The following C10orf90 variants were observed in gnomAD, a reference collection of about 807,000 sequenced individuals.
C10orf90 encodes the protein (E2-independent) E3 ubiquitin-conjugating enzyme FATS.
A neutral mutation model predicts 62.5 loss-of-function variants in C10orf90; 56 were observed. That is an observed-to-expected ratio of 0.90 (90% confidence interval 0.72 to 1.12). The LOEUF is 1.12. C10orf90 is among the 50% of genes most tolerant of loss of function. The pLI is 0.00. For missense variants in C10orf90, 970 were observed against 880.4 expected (o/e 1.10, Z -1.29); for synonymous variants, 386 against 340.4 (o/e 1.13, Z -1.47).
chr10:126,585,733 A>G (rs1376232514), intron 2 of C10orf90, among the ~76,000 whole-genome samples: 1 of 152,170 alleles, frequency 6.6e-6, no homozygotes, highest in Non-Finnish European at 1.5e-5. Flanking sequence ...CAAATTGGAA[A>G]GGCTAATTAG....
At chr10:126,580,320 G>T (rs1844719572) in intron 2 of C10orf90, among the ~76,000 whole-genome samples, 1 of 152,162 alleles carries the variant, frequency 6.6e-6, no homozygotes, top group Middle Eastern at 3.4e-3. Context: ...TTTTCCCAAT[G>T]GCTAATTTGA....
intron 1 of C10orf90, among the ~76,000 whole-genome samples, chr10:126,648,363 C>G (rs1846212775): frequency 6.6e-6 from 1 of 152,154 alleles, no homozygotes; most frequent in African/African-American, 2.4e-5. Context: ...ATGCAAGTAC[C>G]TTGATCTTGT....
chr10:126,653,075 TA>T (rs1166580779), intron 1 of C10orf90, among the ~76,000 whole-genome samples: 1 of 152,232 alleles, frequency 6.6e-6, no homozygotes. Context: ...ACAAAAATGC[TA>T]ATCATTTGAG....
chr10:126,518,922 A>T (rs1863588286), intron 2 of C10orf90, among the ~76,000 whole-genome samples: 1 of 152,166 alleles, frequency 6.6e-6, no homozygotes, highest in Non-Finnish European at 1.5e-5. Flanking sequence ...GTGTTTCAGC[A>T]ACAGAATCCA....
At chr10:126,502,059 C>T (rs11245004) in intron 4 of C10orf90, among the ~76,000 whole-genome samples, 29,167 of 144,596 alleles carry the variant, frequency 0.2, 2,823 homozygotes, top group East Asian at 0.46. Flanking sequence ...ACCACACACA[C>T]GCACACACAC....
rs1247482183 is a variant in C10orf90, at chr10:126,504,559, G to T, written c.932C>A (p.Thr311Asn). ...VVRLKVPEAH[T>N]GLCERRKYWV... ...GTACTTGCGTCTCTCACACAACCCA[G>T]TGTGGGCCTCGGGAACCTTCAGCCG... The change falls in exon 4 of 10, where the codon ACT becomes AAT. Residue 311 changes from threonine to asparagine, a missense_variant. By Grantham distance (65) the Thr-to-Asn change is moderately conservative. Coordinates refer to ENST00000488181, the MANE Select transcript of C10orf90 (RefSeq NM_001350921.2). This position sits in a 1 kb window ranked among gnomAD's most constrained non-coding sequence, Gnocchi z 4.1. 1.2e-6 allele frequency: 2 copies of T among 1,614,206 alleles called. No homozygotes were observed. Among genetic ancestry groups the T allele is most frequent in the Non-Finnish European group, 1.7e-6 (2 of 1,180,026 alleles).
At position 126,453,513 on chromosome 10, in the gene C10orf90, T is replaced by C. The variant is rs1859335846; in HGVS notation, c.2188+5527A>G. 1.3e-5 allele frequency among the ~76,000 whole-genome samples: 2 copies of C among 152,082 alleles called. No homozygotes were observed. On this transcript the variant is annotated intron_variant, in intron 7 of 9. Coordinates refer to ENST00000488181, the MANE Select transcript of C10orf90 (RefSeq NM_001350921.2). This position sits in a 1 kb window ranked among gnomAD's most constrained non-coding sequence, Gnocchi z 4.9. ...AGAAGGGGATGTTCCTGAAGGGTTT[T>C]CTACACATTCGAAGGTTAAGGGGAC... is the stretch of plus-strand genomic sequence containing the variant.
intron 4 of C10orf90, chr10:126,469,820 G>A (rs1261157634): frequency 2.2e-6 from 1 of 455,728 alleles, no homozygotes; most frequent in South Asian, 1.6e-5. Flanking sequence ...GAGATTGGCA[G>A]GCTTGGGTGT....
intron 1 of C10orf90, among the ~76,000 whole-genome samples, chr10:126,660,232 A>G (rs1846481030): frequency 6.6e-6 from 1 of 152,226 alleles, no homozygotes. Context: ...ATTAAGTTAC[A>G]TTATATGGCA....
intron 2 of C10orf90, among the ~76,000 whole-genome samples, chr10:126,584,980 A>G (rs901159197): frequency 1.3e-5 from 2 of 151,892 alleles, no homozygotes; most frequent in African/African-American, 4.8e-5. Context: ...GCTGTGGCCA[A>G]TGCTCAGCCC....
At chr10:126,525,203 A>G (rs1387885538) in intron 2 of C10orf90, among the ~76,000 whole-genome samples, 1 of 152,224 alleles carries the variant, frequency 6.6e-6, no homozygotes, top group African/African-American at 2.4e-5. Flanking sequence ...GCAACCCACC[A>G]GGAAGAAAAA....
intron 4 of C10orf90, among the ~76,000 whole-genome samples, chr10:126,491,075 C>T (rs570140780): frequency 6.6e-6 from 1 of 152,218 alleles, no homozygotes; most frequent in African/African-American, 2.4e-5. Flanking sequence ...TTTATACTAG[C>T]ATTCAGAATA....
chr10:126,524,943 G>T, intron 2 of C10orf90: 1 of 731,192 alleles, frequency 1.4e-6, no homozygotes, highest in Non-Finnish European at 1.7e-6. Context: ...ACATAGTATT[G>T]AAAGTCATAG....
chr10:126,512,390 G>C (rs867380732), intron 3 of C10orf90, among the ~76,000 whole-genome samples: 1 of 13,742 alleles, frequency 7.3e-5, no homozygotes, highest in Admixed American at 1.0e-3. Flanking sequence ...GTGTGTCTGT[G>C]TGTGTGTGTG....
intron 7 of C10orf90, among the ~76,000 whole-genome samples, chr10:126,449,271 A>G (rs539841203): frequency 6.6e-6 from 1 of 152,364 alleles, no homozygotes; most frequent in South Asian, 2.1e-4. Context: ...CATTAACAGA[A>G]TAAAGGACAA....
At chr10:126,586,543 C>T (rs527680001) in intron 2 of C10orf90, among the ~76,000 whole-genome samples, 16 of 152,244 alleles carry the variant, frequency 1.1e-4, no homozygotes, top group Admixed American at 5.2e-4. Context: ...TGGCCCGGCA[C>T]CTTCGAAATG....
chr10:126,466,353 AAC>A (rs982302394), intron 4 of C10orf90, among the ~76,000 whole-genome samples: 3 of 142,136 alleles, frequency 2.1e-5, no homozygotes, highest in Non-Finnish European at 4.5e-5. Context: ...CTCTACTAAA[AAC>A]ACACACACAC....
At chr10:126,619,012 C>T (rs1845595279) in intron 2 of C10orf90, among the ~76,000 whole-genome samples, 1 of 152,118 alleles carries the variant, frequency 6.6e-6, no homozygotes, top group Admixed American at 6.5e-5. Flanking sequence ...AAAATGAGAT[C>T]ATGTCTTTTG....
intron 2 of C10orf90, among the ~76,000 whole-genome samples, chr10:126,543,455 C>T (rs1048890262): frequency 2.0e-5 from 3 of 152,154 alleles, no homozygotes; most frequent in African/African-American, 7.2e-5. Flanking sequence ...AAGGGGTTGA[C>T]ATTTGGAAAG....
Sources: allele counts gnomAD v4.1 joint callset (sites outside exome capture counted in the v4.1 genomes callset), GRCh38; gene constraint gnomAD v4.1.1; non-coding constraint Gnocchi (gnomAD v3.1); transcripts MANE v1.5; gene names NCBI Gene and HGNC (gene_info 2026-07-23, HGNC 2026-07-21).